EVA1C: variants seen among roughly 807,000 people sequenced by gnomAD.
EVA1C encodes protein eva-1 homolog C.
A neutral mutation model predicts 45.4 loss-of-function variants in EVA1C; 25 were observed. That is an observed-to-expected ratio of 0.55 (90% CI 0.40 to 0.77). The LOEUF (loss-of-function observed/expected upper bound fraction) is 0.77. Among genes scored for constraint, EVA1C ranks in the 30% least tolerant of loss-of-function variants. The probability of loss-of-function intolerance (pLI) is 0.00; values close to 1 mark genes in which losing one functional copy is unlikely to be tolerated. For synonymous variants in EVA1C, 190 were observed against 221.2 expected, an observed-to-expected ratio of 0.86 and a Z score of 1.25; for missense variants, 479 against 554.8, an observed-to-expected ratio of 0.86 and a Z score of 1.37.
intron 3 of EVA1C, among the ~76,000 whole-genome samples, chr21:32,459,596 C>G (rs2035921001): frequency 6.6e-6 from 1 of 151,852 alleles, no homozygotes; most frequent in Non-Finnish European, 1.5e-5. Flanking sequence ...AATCCCAGCA[C>G]TTTGGGAGGC....
intron 6 of EVA1C, 94 bp from the exon 7 acceptor site, chr21:32,503,832 C>T (rs532465509): frequency 1.1e-5 from 8 of 739,164 alleles, no homozygotes; most frequent in East Asian, 8.4e-5. Context: ...TTAATTATTC[C>T]GGCGGTCCCT....
At chr21:32,514,682 C>A in intron 7 of EVA1C, 132 bp from the exon 8 acceptor site, 2 of 1,064,390 alleles carry the variant, frequency 1.9e-6, no homozygotes, top group Non-Finnish European at 2.6e-6. Flanking sequence ...TTGGTGTAGA[C>A]AGTCTCAAAG....
intron 1 of EVA1C, among the ~76,000 whole-genome samples, chr21:32,448,153 G>C (rs2035434496): frequency 6.6e-6 from 1 of 152,122 alleles, no homozygotes; most frequent in Non-Finnish European, 1.5e-5. Context: ...TGGCACTGTG[G>C]ACCAAACAGA....
At chr21:32,456,240 C>T (rs1377999174) in intron 2 of EVA1C, among the ~76,000 whole-genome samples, 1 of 152,164 alleles carries the variant, frequency 6.6e-6, no homozygotes, top group Non-Finnish European at 1.5e-5. Flanking sequence ...AAGGTGCTTC[C>T]TCAGAGGGAG....
chr21:32,465,519 C>T (rs1172011942), intron 3 of EVA1C, among the ~76,000 whole-genome samples: 1 of 152,192 alleles, frequency 6.6e-6, no homozygotes, highest in Non-Finnish European at 1.5e-5. Flanking sequence ...TAGGGTAGAG[C>T]TAGCATTTTT....
chr21:32,420,687 C>A (rs1422869132), intron 1 of EVA1C, among the ~76,000 whole-genome samples: 1 of 152,190 alleles, frequency 6.6e-6, no homozygotes, highest in East Asian at 1.9e-4. Context: ...AGCCACTGTG[C>A]CTGGCCCTAA....
rs533749518 is a variant in EVA1C, at chr21:32,449,632, T to G, written c.161-3680T>G. Among the ~76,000 whole-genome samples, 5 of 152,144 alleles carry G rather than the reference T, an allele frequency of 3.3e-5. 1 individual carries two copies. Among genetic ancestry groups the G allele is most frequent in the South Asian group, 2.1e-4 (1 of 4,822 alleles). ...CGTTTTTTGTTTTTTGTTTTGTTTT[T>G]TTTTTTTGAGATGGGGTTTTGCTCT... On this transcript the variant is annotated intron_variant, in intron 1 of 7. Coordinates refer to ENST00000300255, the MANE Select transcript of EVA1C (RefSeq NM_058187.5).
At chr21:32,498,264 T>C (rs1409656760) in intron 5 of EVA1C, among the ~76,000 whole-genome samples, 1 of 152,030 alleles carries the variant, frequency 6.6e-6, no homozygotes, top group Non-Finnish European at 1.5e-5. Flanking sequence ...CTGGAAAACA[T>C]GGTGAAACCC....
At chr21:32,432,621 G>A (rs8130499) in intron 1 of EVA1C, among the ~76,000 whole-genome samples, 12,988 of 152,134 alleles carry the variant, frequency 0.085, 1,565 homozygotes, top group African/African-American at 0.27. Context: ...CAGGTCTTTC[G>A]TTGCTGCTCT....
intron 1 of EVA1C, among the ~76,000 whole-genome samples, chr21:32,430,972 C>CAAAAAAA (rs1038641892): frequency 7.8e-5 from 8 of 103,106 alleles, no homozygotes; most frequent in African/African-American, 2.1e-4. Context: ...GACTTGGTCT[C>CAAAAAAA]AAAAAAAAAA....
At position 32,412,820 on chromosome 21, in the gene EVA1C, G is replaced by T; in HGVS notation, c.-34G>T. The T allele has an allele frequency of 7.3e-7, 1 of 1,363,944 alleles. No homozygotes were observed. Among genetic ancestry groups the T allele is most frequent in the Non-Finnish European group, 9.4e-7 (1 of 1,067,088 alleles). 84.5% of individuals were successfully genotyped at this position (1,363,944 alleles called of 1,614,324 possible). On this transcript the variant is annotated 5_prime_UTR_variant, in exon 1 of 8. Transcript: ENST00000300255. ...AGCCCTGCGACCCCCAGCGCGTCCC[G>T]GGCCTGCGCCTCCGCCCCGCCGCGC...
chr21:32,460,368 C>A (rs1009135352), intron 3 of EVA1C, among the ~76,000 whole-genome samples: 3 of 152,186 alleles, frequency 2.0e-5, no homozygotes, highest in African/African-American at 2.4e-5. Context: ...CATCCTGCCA[C>A]CCCTCTCTAT....
At chr21:32,453,051 C>T (rs2035641371) in intron 1 of EVA1C, 1 of 403,716 alleles carries the variant, frequency 2.5e-6, no homozygotes, top group African/African-American at 2.0e-5. Context: ...TGGGTGGAGC[C>T]CTCGCCAGGG....
At chr21:32,426,667 C>T (rs2146136029) in intron 1 of EVA1C, among the ~76,000 whole-genome samples, 1 of 152,224 alleles carries the variant, frequency 6.6e-6, no homozygotes, top group Non-Finnish European at 1.5e-5. Context: ...CGTTTTACAG[C>T]CCACATCGAG....
chr21:32,497,099 G>T (rs2037377103), intron 5 of EVA1C: 6 of 898,206 alleles, frequency 6.7e-6, no homozygotes, highest in Non-Finnish European at 1.1e-5. Flanking sequence ...AAAGTGACTG[G>T]GCTTCATTAG....
chr21:32,423,750 G>A (rs2034383074), intron 1 of EVA1C, among the ~76,000 whole-genome samples: 1 of 152,188 alleles, frequency 6.6e-6, no homozygotes, highest in African/African-American at 2.4e-5. Flanking sequence ...AATGATGCTT[G>A]GATGAAGTGA....
intron 3 of EVA1C, among the ~76,000 whole-genome samples, chr21:32,457,973 C>T (rs1455704395): frequency 6.6e-6 from 1 of 152,196 alleles, no homozygotes; most frequent in African/African-American, 2.4e-5. Context: ...TTTTAAAAAT[C>T]CTTTCCAATA....
chr21:32,439,843 C>T (rs1425194188), intron 1 of EVA1C, among the ~76,000 whole-genome samples: 1 of 151,758 alleles, frequency 6.6e-6, no homozygotes. Flanking sequence ...TCATTATCAT[C>T]CCTAAAGTGA....
chr21:32,501,665 G>A, intron 6 of EVA1C, 170 bp downstream of exon 6: 2 of 678,702 alleles, frequency 2.9e-6, no homozygotes, highest in South Asian at 2.8e-5. Flanking sequence ...AGTTGCAAAT[G>A]GTGAACACCA....
Sources: allele counts gnomAD v4.1 joint callset (sites outside exome capture counted in the v4.1 genomes callset), GRCh38; gene constraint gnomAD v4.1.1; transcripts MANE v1.5; gene names NCBI Gene and HGNC (gene_info 2026-07-23, HGNC 2026-07-21).